The following MIB1 variants were observed in gnomAD, a reference collection of about 807,000 sequenced individuals.
MIB1 encodes MIB E3 ubiquitin protein ligase 1, also known as E3 ubiquitin-protein ligase MIB1.
MIB1 carries 278 observed loss-of-function variants against 124.5 expected under a neutral mutation model. The ratio of observed to expected loss-of-function variants is 2.23; its 90% CI spans 2.02 to 2.47. The LOEUF (loss-of-function observed/expected upper bound fraction) is 2.47, where lower values mean the gene tolerates loss of function less well. Among genes scored for constraint, MIB1 ranks in the 30% most tolerant of loss-of-function variants. MIB1 has a pLI of 0.00. For synonymous variants in MIB1, 446 were observed against 429.4 expected (o/e 1.04, Z -0.48); for missense variants, 957 against 1,254.4 (o/e 0.76, Z 3.58).
Position 21,749,062 on chromosome 18 carries a change from T to C in MIB1, c.229+7250T>C, listed in dbSNP as rs77479310. On this transcript the variant is annotated intron_variant, in intron 1 of 20. Coordinates refer to ENST00000261537, the MANE Select transcript of MIB1 (RefSeq NM_020774.4). ...CTGCTTGTTTCTTTCTAGTGTGTCT[T>C]TTTTGCACAGCTAAGGTTTTACTGT... Among the ~76,000 whole-genome samples, 411 of 152,252 alleles carry C rather than the reference T, an allele frequency of 2.7e-3. 5 individuals are homozygous for C. The East Asian group carries it at 0.033, about 12-fold the overall frequency.
intron 12 of MIB1, chr18:21,827,792 C>T (rs1232223670): frequency 6.6e-6 from 1 of 151,950 alleles, no homozygotes; most frequent in African/African-American, 2.4e-5. Context: ...TGAAAATCAT[C>T]TTTGTATTAA....
At position 21,869,302 on chromosome 18, in the gene MIB1, G is replaced by A. The variant is rs927142220; in HGVS notation, c.*4636G>A. ...CTGTAATTTTTAAAGTAAAATAAAC[G>A]TGCCATTTTGTCTGCAATCTATAAT... On this transcript the variant is annotated 3_prime_UTR_variant, in exon 21 of 21. Coordinates refer to ENST00000261537, the MANE Select transcript of MIB1 (RefSeq NM_020774.4). 1.3e-5 allele frequency: 2 copies of A among 152,204 alleles called. No individual in the cohort carries two copies. The highest frequency in any genetic ancestry group is 6.6e-5 in the Admixed American group (1 of 15,232). 9.4% of individuals were successfully genotyped at this position (152,204 alleles called of 1,614,324 possible).
chr18:21,742,568 CCTTGATTAGTGAAT>C (rs3217670), intron 1 of MIB1, among the ~76,000 whole-genome samples: 1 of 152,024 alleles, frequency 6.6e-6, no homozygotes, highest in South Asian at 2.1e-4. Flanking sequence ...GAGTCAGGGT[CCTTGATTAGTGAAT>C]CTTGATTAGT....
intron 8 of MIB1, 29 bp downstream of exon 8, chr18:21,798,257 G>A: frequency 6.2e-7 from 1 of 1,608,386 alleles, no homozygotes; most frequent in Non-Finnish European, 8.5e-7. Context: ...TTCTTTAAGA[G>A]TAATGTGGTT....
At chr18:21,858,270 C>G (rs2042245261) in intron 19 of MIB1, among the ~76,000 whole-genome samples, 1 of 152,090 alleles carries the variant, frequency 6.6e-6, no homozygotes, top group Non-Finnish European at 1.5e-5. Context: ...GCACGTAGAG[C>G]CTTGGAAAAC....
chr18:21,793,637 C>T (rs1258654416), intron 7 of MIB1, among the ~76,000 whole-genome samples: 1 of 151,188 alleles, frequency 6.6e-6, no homozygotes, highest in Non-Finnish European at 1.5e-5. Context: ...AAAAATTAGC[C>T]AGGTGTGGTG....
intron 2 of MIB1, 104 bp downstream of exon 2, chr18:21,766,047 G>A: frequency 9.0e-7 from 1 of 1,113,070 alleles, no homozygotes; most frequent in Non-Finnish European, 1.3e-6. Flanking sequence ...TCTGACAGTT[G>A]GTTTACTAAC....
At position 21,767,920 on chromosome 18, in the gene MIB1, T is replaced by TC. The variant is rs555743967; in HGVS notation, c.402-697dup. On this transcript the variant is annotated intron_variant, in intron 2 of 20. Transcript: ENST00000261537. ...TTGATGGATTCATAGAACACCCTGC[T>TC]CCCCCCACTGCCCCCGCCAATACAG... 2.8e-3 allele frequency among the ~76,000 whole-genome samples: 426 copies of TC among 151,272 alleles called. 1 individual carries two copies. The highest frequency in any genetic ancestry group is 9.9e-3 in the African/African-American group (410 of 41,326).
At chr18:21,815,262 T>C (rs916964603) in intron 10 of MIB1, among the ~76,000 whole-genome samples, 3 of 151,282 alleles carry the variant, frequency 2.0e-5, no homozygotes, top group African/African-American at 7.3e-5. Flanking sequence ...TGAAACTCCT[T>C]GGCTCAAGCA....
intron 6 of MIB1, among the ~76,000 whole-genome samples, chr18:21,782,781 A>G (rs1033204870): frequency 6.6e-6 from 1 of 152,060 alleles, no homozygotes; most frequent in Non-Finnish European, 1.5e-5. Context: ...TCAATTATGT[A>G]TATTTGGTTT....
chr18:21,839,944 A>T (rs920042589), intron 13 of MIB1, among the ~76,000 whole-genome samples: 1 of 152,124 alleles, frequency 6.6e-6, no homozygotes, highest in African/African-American at 2.4e-5. Flanking sequence ...AATGCCAGCT[A>T]CTCAGGAGGC....
chr18:21,732,994 A>G (rs1316662951), intron 1 of MIB1, among the ~76,000 whole-genome samples: 1 of 152,190 alleles, frequency 6.6e-6, no homozygotes, highest in Non-Finnish European at 1.5e-5. Context: ...AACGGTTGCC[A>G]TGACCTTTGC....
chr18:21,827,171 G>C (rs2041933263), intron 12 of MIB1: 1 of 152,034 alleles, frequency 6.6e-6, no homozygotes, highest in African/African-American at 2.4e-5. Flanking sequence ...AAATGTTTGA[G>C]TTATACCAGT....
rs139657326 is a variant in MIB1 at position 21,812,731 on chromosome 18, C to T, written c.1480-2885C>T. Among the ~76,000 whole-genome samples, 16 of 152,230 alleles carry T rather than the reference C, an allele frequency of 1.1e-4. 1 individual carries two copies. In the East Asian group the frequency reaches 2.9e-3, roughly 28 times the overall value. ...TAGGGCAGGGGGATAGAAAGAAACA[C>T]GATCCGTTTTAGATTTAATTTGAGG... On this transcript the variant is annotated intron_variant, in intron 10 of 20. Coordinates refer to ENST00000261537, the MANE Select transcript of MIB1 (RefSeq NM_020774.4).
chr18:21,813,114 C>A (rs2041792688), intron 10 of MIB1, among the ~76,000 whole-genome samples: 1 of 151,366 alleles, frequency 6.6e-6, no homozygotes, highest in African/African-American at 2.4e-5. Flanking sequence ...TTATTGACAG[C>A]CTGCATTAAG....
At chr18:21,733,022 T>C in intron 1 of MIB1, among the ~76,000 whole-genome samples, 1 of 152,208 alleles carries the variant, frequency 6.6e-6, no homozygotes, top group Non-Finnish European at 1.5e-5. Flanking sequence ...CGGTCCACTT[T>C]TGCTTTGACT....
intron 6 of MIB1, among the ~76,000 whole-genome samples, chr18:21,787,544 G>T (rs900794854): frequency 3.9e-5 from 6 of 152,130 alleles, no homozygotes; most frequent in African/African-American, 1.4e-4. Flanking sequence ...CTGGCTCTCT[G>T]CCTTGATCTC....
chr18:21,784,768 G>T (rs919473368), intron 6 of MIB1, among the ~76,000 whole-genome samples: 10 of 152,126 alleles, frequency 6.6e-5, no homozygotes, highest in Admixed American at 6.5e-4. Flanking sequence ...TAGTGGTAAC[G>T]CCAGTGCCTG....
intron 9 of MIB1, 51 bp downstream of exon 9, chr18:21,800,025 A>G (rs2041633203): frequency 6.8e-7 from 1 of 1,475,140 alleles, no homozygotes; most frequent in Middle Eastern, 1.9e-4. Flanking sequence ...GAATAGTATA[A>G]TGAACCTTAT....
Sources: allele counts gnomAD v4.1 joint callset (sites outside exome capture counted in the v4.1 genomes callset), GRCh38; gene constraint gnomAD v4.1.1; transcripts MANE v1.5; gene names NCBI Gene and HGNC (gene_info 2026-07-23, HGNC 2026-07-21).